IQSEC1: variants seen among roughly 807,000 people sequenced by gnomAD.
The protein encoded by IQSEC1 is IQ motif and SEC7 domain-containing protein 1.
Under a neutral mutation model 91.0 loss-of-function variants are expected in IQSEC1, and 31 were observed. The observed-to-expected ratio is 0.34, with a 90% CI of 0.26 to 0.46. IQSEC1 has a LOEUF of 0.46. IQSEC1 is among the 20% of genes least tolerant of loss of function. The probability of loss-of-function intolerance (pLI) is 1.00; values close to 1 mark genes in which losing one functional copy is unlikely to be tolerated. For synonymous variants in IQSEC1, 699 were observed against 662.6 expected (o/e 1.05, Z -0.84); for missense variants, 1,388 against 1,575.6 (o/e 0.88, Z 2.02).
intron 1 of IQSEC1, among the ~76,000 whole-genome samples, chr3:13,184,088 G>GAATTCA (rs1443718197): frequency 6.6e-6 from 1 of 152,160 alleles, no homozygotes; most frequent in Non-Finnish European, 1.5e-5. Context: ...TCAAACAAGT[G>GAATTCA]AAGAAGAGAT....
intron 2 of IQSEC1, among the ~76,000 whole-genome samples, chr3:13,163,229 C>A (rs1707211341): frequency 6.6e-6 from 1 of 152,130 alleles, no homozygotes; most frequent in Non-Finnish European, 1.5e-5. Context: ...TCTGCAGGCA[C>A]CTGGAGGACC....
intron 1 of IQSEC1, among the ~76,000 whole-genome samples, chr3:12,952,555 T>C (rs933571840): frequency 1.3e-5 from 2 of 152,024 alleles, no homozygotes; most frequent in Non-Finnish European, 2.9e-5. Flanking sequence ...TGAGGTCCTG[T>C]GAAAACACAA....
At chr3:13,204,358 G>A (rs1006286521) in intron 1 of IQSEC1, among the ~76,000 whole-genome samples, 1 of 152,290 alleles carries the variant, frequency 6.6e-6, no homozygotes, top group African/African-American at 2.4e-5. Context: ...GAGAAACGGA[G>A]AAGAGTCACA....
Position 12,936,025 on chromosome 3 carries a change from C to G in IQSEC1, c.991G>C (p.Ala331Pro), listed in dbSNP as rs755862339. 6.2e-7 allele frequency: 1 copy of G among 1,601,868 alleles called. No homozygotes were observed. The highest frequency in any genetic ancestry group is 1.3e-5 in the African/African-American group (1 of 75,048). The change falls in exon 3 of 14, where the codon GCC (alanine) becomes CCC (proline). Residue 331 changes from alanine to proline, a missense_variant. Around this residue, in one of 2 missense-constraint regions of IQSEC1, gnomAD observed 1,059 missense variants for 1,317.8 expected, o/e 0.80. Coordinates refer to ENST00000613206, the MANE Select transcript of IQSEC1 (RefSeq NM_001134382.3). Reference protein sequence around the residue: ...RAGGAAPDYWALAHKEDKADT... With the variant: ...RAGGAAPDYWPLAHKEDKADT... ...GCCTTGTCCTCTTTGTGGGCCAGGGCCCAGTAGTCTGGGGCTGCGCCCCCA... is the reference window on the plus strand; with the variant it reads ...GCCTTGTCCTCTTTGTGGGCCAGGGGCCAGTAGTCTGGGGCTGCGCCCCCA...
In IQSEC1 at chr3:13,282,923, C is replaced by T. The variant is rs1466339708; in HGVS notation, c.60G>A (p.Arg20=). 6.8e-6 allele frequency among the ~76,000 whole-genome samples: 1 copy of T among 147,344 alleles called. No individual in the cohort carries two copies. Among genetic ancestry groups the T allele is most frequent in the Non-Finnish European group, 1.5e-5 (1 of 66,112 alleles). ...GCAGCTCCTGCTGCGCGGCGACGAT[C>T]CGGGTCAGCTCCTGCAGGTACTCGG... The change falls in exon 1 of 16, where the codon CGG becomes CGA. Residue 20 remains arginine, a synonymous_variant. Coordinates refer to the IQSEC1 transcript ENST00000648114. The surrounding 1 kb of genome is among the most constrained non-coding windows in gnomAD (Gnocchi z 6.4).
At chr3:13,119,930 C>G (rs1323698041) in intron 2 of IQSEC1, among the ~76,000 whole-genome samples, 6 of 152,202 alleles carry the variant, frequency 3.9e-5, no homozygotes, top group Admixed American at 3.9e-4. Context: ...CCTGGGCAAT[C>G]TCTGCAGTTC....
chr3:13,046,376 G>T (rs1489706636), intron 1 of IQSEC1, among the ~76,000 whole-genome samples: 2 of 152,222 alleles, frequency 1.3e-5, no homozygotes, highest in Non-Finnish European at 2.9e-5. Flanking sequence ...ACGCGGCGGG[G>T]CTGCCAGTCC....
chr3:12,994,349 G>T lies in IQSEC1; in HGVS notation c.24-52484C>A, dbSNP rs2125641323. Among the ~76,000 whole-genome samples the T allele has an allele frequency of 6.6e-6, 1 of 151,978 alleles. No homozygotes were observed. Among genetic ancestry groups the T allele is most frequent in the African/African-American group, 2.4e-5 (1 of 41,504 alleles). On this transcript the variant is annotated intron_variant, in intron 1 of 13. Coordinates refer to ENST00000613206, the MANE Select transcript of IQSEC1 (RefSeq NM_001134382.3). The surrounding 1 kb of genome is among the most constrained non-coding windows in gnomAD (Gnocchi z 4.5). ...CCTCGGAAGGTGTGTGTGCGTGCGC[G>T]GCTGTGCTAGGGGGCGGGGAGGACG...
intron 1 of IQSEC1, among the ~76,000 whole-genome samples, chr3:13,070,273 CCTCT>C (rs1214416289): frequency 1.3e-5 from 2 of 152,252 alleles, no homozygotes; most frequent in Non-Finnish European, 2.9e-5. Flanking sequence ...AGTTCCTTCC[CCTCT>C]CTGAGCCTCA....
In IQSEC1 at chr3:12,963,092, T is replaced by C. The variant is rs376908967; in HGVS notation, c.24-21227A>G. Among the ~76,000 whole-genome samples the C allele has an allele frequency of 7.9e-5, 12 of 152,362 alleles. 1 individual carries two copies. The highest frequency in any genetic ancestry group is 5.2e-4 in the Admixed American group (8 of 15,306). On this transcript the variant is annotated intron_variant, in intron 1 of 13. Transcript: ENST00000613206. ...GCTAACTCTAGCACTCTAGCAACTT[T>C]AGCACTAAATGGCAACTGTTGCTAT... is the stretch of plus-strand genomic sequence containing the variant.
rs1257548049 is a variant in IQSEC1, at chr3:12,994,466, G to T, written c.24-52601C>A. Among the ~76,000 whole-genome samples the T allele has an allele frequency of 6.6e-6, 1 of 152,006 alleles. No individual in the cohort carries two copies. The highest frequency in any genetic ancestry group is 1.5e-5 in the Non-Finnish European group (1 of 67,984). ...GCTGCAGCGGATGGGTCAGGAGAGC[G>T]GGGTACGCGGGGTCCAGGCGCGGAA... On this transcript the variant is annotated intron_variant, in intron 1 of 13. Coordinates refer to ENST00000613206, the MANE Select transcript of IQSEC1 (RefSeq NM_001134382.3). The surrounding 1 kb of genome is among the most constrained non-coding windows in gnomAD (Gnocchi z 4.5).
chr3:12,969,748 G>A (rs765753598), intron 1 of IQSEC1, among the ~76,000 whole-genome samples: 3 of 152,210 alleles, frequency 2.0e-5, no homozygotes, highest in South Asian at 2.1e-4. Flanking sequence ...GGGCCCTGCC[G>A]CCCAGCAGGA....
At chr3:13,159,817 G>A (rs1707140531) in intron 2 of IQSEC1, among the ~76,000 whole-genome samples, 1 of 152,158 alleles carries the variant, frequency 6.6e-6, no homozygotes, top group African/African-American at 2.4e-5. Context: ...CTTGCACCCT[G>A]CAGAAAGCCC....
chr3:13,053,159 G>C (rs1704751352), intron 1 of IQSEC1: 1 of 756,978 alleles, frequency 1.3e-6, no homozygotes, highest in Non-Finnish European at 2.4e-6. Context: ...CACGATGATG[G>C]AGAAAGGAAG....
At chr3:12,943,781 G>A (rs1298677144) in intron 1 of IQSEC1, among the ~76,000 whole-genome samples, 2 of 152,258 alleles carry the variant, frequency 1.3e-5, no homozygotes, top group Non-Finnish European at 2.9e-5. Context: ...GGCCCCAGCA[G>A]GCGGCCTGGA....
chr3:13,044,205 G>A (rs538526238), intron 1 of IQSEC1, among the ~76,000 whole-genome samples: 20 of 152,346 alleles, frequency 1.3e-4, no homozygotes, highest in Non-Finnish European at 2.5e-4. Context: ...AACCAGAGGC[G>A]TCTGGGTCAT....
chr3:13,040,637 G>T (rs573554526), intron 1 of IQSEC1, among the ~76,000 whole-genome samples: 7 of 152,150 alleles, frequency 4.6e-5, no homozygotes, highest in African/African-American at 1.7e-4. Context: ...CCCAGGCTCC[G>T]GTCCTGAGCC....
At chr3:13,235,021 C>T (rs764253508) in intron 1 of IQSEC1, among the ~76,000 whole-genome samples, 16 of 152,090 alleles carry the variant, frequency 1.1e-4, no homozygotes, top group South Asian at 8.3e-4. Flanking sequence ...ATGGGGCCCA[C>T]GGGTCTGGGG....
chr3:13,133,993 C>T (rs1706666596), intron 2 of IQSEC1, among the ~76,000 whole-genome samples: 1 of 152,248 alleles, frequency 6.6e-6, no homozygotes. Context: ...GCCAGCCTTT[C>T]TTACAGCAAC....
Sources: gnomAD v4.1 joint callset for allele counts (sites outside exome capture counted in the v4.1 genomes callset) on GRCh38, gnomAD v4.1.1 for gene constraint, gnomAD v4.1.1 regional missense constraint, Gnocchi (gnomAD v3.1) non-coding constraint, MANE v1.5 for transcripts, NCBI Gene and HGNC (gene_info 2026-07-23, HGNC 2026-07-21) for gene names.